The following HDX variants were observed in gnomAD, a reference collection of about 807,000 sequenced individuals.
HDX encodes highly divergent homeobox, also known as chromosome X open reading frame 43.
HDX carries 19 observed loss-of-function variants against 45.2 expected under a neutral mutation model. The ratio of observed to expected loss-of-function variants is 0.42; its 90% CI spans 0.29 to 0.62. HDX has a LOEUF of 0.62. Ranked by LOEUF, HDX falls within the 20% of genes least tolerant of loss-of-function variation. The pLI, the probability that HDX is intolerant of heterozygous loss-of-function variation, is 0.20. For synonymous variants in HDX, 188 were observed against 172.8 expected, an observed-to-expected ratio of 1.09 and a Z score of -0.69; for missense variants, 532 against 493.9, an observed-to-expected ratio of 1.08 and a Z score of -0.73.
rs1048138808 is a variant in HDX, at chrX:84,352,938, G to A, written c.1453-8481C>T. Among the ~76,000 whole-genome samples the A allele has an allele frequency of 2.4e-4, 27 of 110,441 alleles. No individual in the cohort carries two copies. The Admixed American group carries it at 2.6e-3, about 11-fold the overall frequency. On this transcript the variant is annotated intron_variant, in intron 6 of 10. Coordinates refer to ENST00000373177, the MANE Select transcript of HDX (RefSeq NM_001177479.2). ...GACCAGTCTCCCTAGGATGATTTTT[G>A]CTCCATTTGGGTCATAAAAGCTGGG...
intron 4 of HDX, among the ~76,000 whole-genome samples, chrX:84,445,633 T>C (rs1053629644): frequency 1.8e-5 from 2 of 110,208 alleles, no homozygotes; most frequent in African/African-American, 6.7e-5. Flanking sequence ...GGGAGTAAAT[T>C]ATTTATGATT....
At chrX:84,400,535 A>G (rs1179854686) in intron 5 of HDX, among the ~76,000 whole-genome samples, 1 of 110,184 alleles carries the variant, frequency 9.1e-6, no homozygotes. Context: ...TACAGACCAC[A>G]GCTCAAAGAA....
chrX:84,346,210 T>C (rs1284317779), intron 6 of HDX, among the ~76,000 whole-genome samples: 6 of 111,135 alleles, frequency 5.4e-5, no homozygotes, highest in African/African-American at 2.0e-4. Context: ...AACATGGCCC[T>C]GGTGGCTAGT....
Position 84,319,736 on chromosome X carries a change from T to G in HDX, c.*2153A>C, listed in dbSNP as rs2031557211. On this transcript the variant is annotated 3_prime_UTR_variant, in exon 11 of 11. Coordinates refer to ENST00000373177, the MANE Select transcript of HDX (RefSeq NM_001177479.2). ...ACACCTAGCAGAACCTTAAATCTAT[T>G]AAAAATTCTACTTAAATATGGTTTA... The G allele has an allele frequency of 9.0e-6, 1 of 111,581 alleles. No individual in the cohort carries two copies. The highest frequency in any genetic ancestry group is 3.2e-5 in the African/African-American group (1 of 30,891). The allele number at this position is 111,581 out of a possible 1,213,427, so 9.2% of individuals were successfully genotyped here.
At chrX:84,322,832 G>A (rs1396025496) in intron 10 of HDX, among the ~76,000 whole-genome samples, 1 of 111,213 alleles carries the variant, frequency 9.0e-6, no homozygotes, top group Admixed American at 9.6e-5. Context: ...TGAACTTAAT[G>A]ATTGATTTGC....
At chrX:84,359,186 T>G (rs2037559364) in intron 6 of HDX, among the ~76,000 whole-genome samples, 1 of 111,023 alleles carries the variant, frequency 9.0e-6, no homozygotes, top group African/African-American at 3.3e-5. Context: ...AAATTTTATT[T>G]TATTTTATTT....
At chrX:84,493,072 C>A (rs138943834) in intron 1 of HDX, among the ~76,000 whole-genome samples, 1 of 110,658 alleles carries the variant, frequency 9.0e-6, no homozygotes, top group Non-Finnish European at 1.9e-5. Context: ...CCACCATGCC[C>A]GGCTAATTTT....
intron 5 of HDX, among the ~76,000 whole-genome samples, chrX:84,415,008 A>C (rs1259297068): frequency 3.6e-5 from 4 of 112,359 alleles, no homozygotes; most frequent in Non-Finnish European, 5.6e-5. Context: ...TTGTGGTACA[A>C]AATAGGCAAA....
chrX:84,460,501 TA>T (rs921778405), intron 4 of HDX, among the ~76,000 whole-genome samples: 6 of 111,653 alleles, frequency 5.4e-5, no homozygotes, highest in Non-Finnish European at 1.1e-4. Context: ...CGCTTCATGA[TA>T]AAAAGAAAAA....
chrX:84,365,099 CT>C (rs113159516), intron 5 of HDX, among the ~76,000 whole-genome samples: 8 of 107,530 alleles, frequency 7.4e-5, no homozygotes, highest in African/African-American at 2.7e-4. Context: ...ATCCTGATTT[CT>C]TTTTTTTTCA....
chrX:84,390,945 C>T (rs1006858573), intron 5 of HDX, among the ~76,000 whole-genome samples: 3 of 111,747 alleles, frequency 2.7e-5, no homozygotes, highest in Non-Finnish European at 5.7e-5. Flanking sequence ...GAGTATTTAT[C>T]GCTTCTCTGT....
Position 84,400,028 on chromosome X carries a change from A to C in HDX, c.1306-38416T>G, listed in dbSNP as rs953382687. Among the ~76,000 whole-genome samples the C allele has an allele frequency of 1.3e-4, 15 of 111,351 alleles. 1 individual carries two copies. The highest frequency in any genetic ancestry group is 1.2e-3 in the Admixed American group (13 of 10,425). On this transcript the variant is annotated intron_variant, in intron 5 of 10. Coordinates refer to ENST00000373177, the MANE Select transcript of HDX (RefSeq NM_001177479.2). ...AATTCAACATCTCTTCATGTTAAAAACTCTTAATAAACTAGGTATTGATGG... is the reference window on the plus strand; with the variant it reads ...AATTCAACATCTCTTCATGTTAAAACCTCTTAATAAACTAGGTATTGATGG...
intron 1 of HDX, among the ~76,000 whole-genome samples, chrX:84,497,684 T>G (rs897624986): frequency 8.5e-5 from 3 of 35,387 alleles, no homozygotes; most frequent in Non-Finnish European, 1.9e-4. Flanking sequence ...ATATACATGT[T>G]ATATGACTGT....
chrX:84,434,381 A>C (rs1433954250), intron 5 of HDX, among the ~76,000 whole-genome samples: 1 of 111,681 alleles, frequency 9.0e-6, no homozygotes, highest in African/African-American at 3.2e-5. Context: ...TCAAGAATTC[A>C]AATAAATAAT....
intron 5 of HDX, among the ~76,000 whole-genome samples, chrX:84,374,563 A>AATG (rs1316318590): frequency 3.5e-4 from 10 of 28,960 alleles, no homozygotes; most frequent in African/African-American, 9.4e-4. Context: ...AAAACAGAAC[A>AATG]GAACAGAGCC....
chrX:84,341,721 T>A (rs1032623600), intron 7 of HDX, among the ~76,000 whole-genome samples: 1 of 109,459 alleles, frequency 9.1e-6, no homozygotes, highest in Non-Finnish European at 1.9e-5. Context: ...ATTTGTTTTT[T>A]TTTTTTTCTT....
intron 5 of HDX, among the ~76,000 whole-genome samples, chrX:84,374,940 C>T (rs1410157192): frequency 9.5e-6 from 1 of 104,880 alleles, no homozygotes; most frequent in Non-Finnish European, 2.0e-5. Context: ...AAGAAACTAC[C>T]ATCAGAGTGA....
intron 6 of HDX, 47 bp from the exon 7 acceptor site, chrX:84,344,504 T>C (rs771315067): frequency 3.8e-5 from 33 of 864,705 alleles, no homozygotes; most frequent in Non-Finnish European, 5.4e-5. Flanking sequence ...ATAGAAAACT[T>C]AGCAGTTCTA....
At chrX:84,383,099 A>G (rs2038227521) in intron 5 of HDX, among the ~76,000 whole-genome samples, 1 of 111,582 alleles carries the variant, frequency 9.0e-6, no homozygotes, top group Non-Finnish European at 1.9e-5. Flanking sequence ...TATATAAAAT[A>G]AAAAGGTAGC....
Sources: allele counts gnomAD v4.1 joint callset (sites outside exome capture counted in the v4.1 genomes callset), GRCh38; gene constraint gnomAD v4.1.1; transcripts MANE v1.5; gene names NCBI Gene and HGNC (gene_info 2026-07-23, HGNC 2026-07-21).